The following GRIA1 variants were observed in gnomAD, a reference collection of about 807,000 sequenced individuals.
The protein encoded by GRIA1 is glutamate ionotropic receptor AMPA type subunit 1.
A neutral mutation model predicts 99.2 loss-of-function variants in GRIA1; 31 were observed. The ratio of observed to expected loss-of-function variants is 0.31; its 90% CI spans 0.23 to 0.42. GRIA1 has a LOEUF of 0.42. Among genes scored for constraint, GRIA1 ranks in the 10% least tolerant of loss-of-function variants. GRIA1 has a pLI of 1.00. For synonymous variants in GRIA1, 438 were observed against 432.4 expected, an observed-to-expected ratio of 1.01 and a Z score of -0.16; for missense variants, 782 against 1,157.5, an observed-to-expected ratio of 0.68 and a Z score of 4.71.
At chr5:153,490,588 G>C (rs1753823069), upstream of GRIA1, 1 of 466,428 alleles carries the variant, frequency 2.1e-6, no homozygotes, top group South Asian at 2.2e-5. Context: ...GGGAGAGAGA[G>C]GCAGGCTGCG....
Position 153,761,748 on chromosome 5 carries a change from C to G in GRIA1, c.1824-2686C>G, listed in dbSNP as rs994240913. Reference sequence around the variant, plus strand: ...TTATTGCAGCACTATTCACAGTAACCAAAATATGGAATCAACTTACGTGCC... The same window carrying G: ...TTATTGCAGCACTATTCACAGTAACGAAAATATGGAATCAACTTACGTGCC... On this transcript the variant is annotated intron_variant, in intron 11 of 15. Transcript: ENST00000285900. Among the ~76,000 whole-genome samples, 3 of 152,188 alleles carry G rather than the reference C, an allele frequency of 2.0e-5. No homozygotes were observed. The South Asian group carries it at 6.2e-4, about 32-fold the overall frequency.
At chr5:153,722,944 C>T (rs981197863) in intron 11 of GRIA1, among the ~76,000 whole-genome samples, 2 of 152,090 alleles carry the variant, frequency 1.3e-5, no homozygotes, top group African/African-American at 4.8e-5. Flanking sequence ...AGTTTCACAC[C>T]TAAAAGTGAT....
intron 13 of GRIA1, among the ~76,000 whole-genome samples, chr5:153,777,107 C>A (rs995780918): frequency 6.6e-6 from 1 of 152,162 alleles, no homozygotes; most frequent in African/African-American, 2.4e-5. Flanking sequence ...GTTTAAAATG[C>A]CCTTTCCTAG....
At chr5:153,703,272 G>T (rs1758661419) in intron 10 of GRIA1, among the ~76,000 whole-genome samples, 1 of 152,142 alleles carries the variant, frequency 6.6e-6, no homozygotes, top group Admixed American at 6.5e-5. Flanking sequence ...TTTTGGAAAT[G>T]CCACATTCTA....
chr5:153,747,623 C>T (rs1762246897), intron 11 of GRIA1, among the ~76,000 whole-genome samples: 1 of 152,198 alleles, frequency 6.6e-6, no homozygotes, highest in South Asian at 2.1e-4. Context: ...GTTGCTTGTT[C>T]ACATTCTTGT....
intron 5 of GRIA1, among the ~76,000 whole-genome samples, chr5:153,661,994 T>C (rs1327861816): frequency 6.6e-6 from 1 of 152,096 alleles, no homozygotes; most frequent in Admixed American, 6.6e-5. Flanking sequence ...GCTCAGACAG[T>C]TTCTGCACTC....
intron 14 of GRIA1, among the ~76,000 whole-genome samples, chr5:153,797,372 A>T (rs571284849): frequency 2.4e-4 from 36 of 152,336 alleles, no homozygotes; most frequent in African/African-American, 8.4e-4. Context: ...CCAAAGCCAC[A>T]CATCCTTAAA....
intron 2 of GRIA1, among the ~76,000 whole-genome samples, chr5:153,547,558 T>G (rs938483366): frequency 1.2e-4 from 18 of 152,170 alleles, no homozygotes; most frequent in Non-Finnish European, 1.5e-5. Context: ...AACTCAACAC[T>G]TCTCTCCCCT....
chr5:153,654,496 C>A (rs536342625), intron 4 of GRIA1, among the ~76,000 whole-genome samples: 2 of 152,078 alleles, frequency 1.3e-5, no homozygotes, highest in African/African-American at 4.8e-5. Flanking sequence ...AACCATTTGA[C>A]AAGCAGATGA....
chr5:153,754,525 T>C (rs1159051848), intron 11 of GRIA1, among the ~76,000 whole-genome samples: 1 of 152,068 alleles, frequency 6.6e-6, no homozygotes, highest in Non-Finnish European at 1.5e-5. Flanking sequence ...GAGTCTTAGG[T>C]GTGTGGAACT....
intron 13 of GRIA1, among the ~76,000 whole-genome samples, chr5:153,789,974 G>C (rs1478352118): frequency 6.6e-6 from 1 of 152,188 alleles, no homozygotes; most frequent in Non-Finnish European, 1.5e-5. Context: ...TGATAATTCT[G>C]AGTTGGAAAT....
intron 2 of GRIA1, among the ~76,000 whole-genome samples, chr5:153,640,336 T>C (rs1047419997): frequency 6.6e-6 from 1 of 152,250 alleles, no homozygotes; most frequent in African/African-American, 2.4e-5. Flanking sequence ...AAGAAAGTTC[T>C]TGTGAGTCTC....
chr5:153,606,602 TC>T (rs1463871796), intron 2 of GRIA1, among the ~76,000 whole-genome samples: 1 of 152,068 alleles, frequency 6.6e-6, no homozygotes, highest in African/African-American at 2.4e-5. Flanking sequence ...TCAGTACAGA[TC>T]TTTTGTTAGA....
chr5:153,706,716 A>G (rs147347020), intron 11 of GRIA1, among the ~76,000 whole-genome samples: 2 of 152,128 alleles, frequency 1.3e-5, no homozygotes, highest in African/African-American at 4.8e-5. Flanking sequence ...AAGAGAAAAA[A>G]CTTCTCCTTT....
intron 11 of GRIA1, among the ~76,000 whole-genome samples, chr5:153,712,779 A>G (rs1759409361): frequency 6.6e-6 from 1 of 152,242 alleles, no homozygotes; most frequent in African/African-American, 2.4e-5. Flanking sequence ...AATGTGCGAT[A>G]GCTAATCTGG....
intron 2 of GRIA1, among the ~76,000 whole-genome samples, chr5:153,546,762 T>C (rs1444214364): frequency 6.6e-6 from 1 of 152,214 alleles, no homozygotes; most frequent in Non-Finnish European, 1.5e-5. Context: ...GCAGCATTCT[T>C]TCATTAGTGG....
intron 7 of GRIA1, among the ~76,000 whole-genome samples, chr5:153,679,310 C>A (rs1460969533): frequency 6.8e-6 from 1 of 148,086 alleles, no homozygotes; most frequent in African/African-American, 2.5e-5. Flanking sequence ...ACAAATAAAC[C>A]AGAACATTCT....
At chr5:153,642,429 A>G (rs997182317) in intron 2 of GRIA1, among the ~76,000 whole-genome samples, 3 of 152,112 alleles carry the variant, frequency 2.0e-5, no homozygotes, top group Non-Finnish European at 2.9e-5. Context: ...AATTATTACT[A>G]TCAGAAAGCA....
At chr5:153,673,198 T>C (rs546796335) in intron 5 of GRIA1, among the ~76,000 whole-genome samples, 33 of 152,234 alleles carry the variant, frequency 2.2e-4, no homozygotes, top group South Asian at 4.1e-4. Context: ...AATGCTCTTC[T>C]CCAAATATCC....
Sources: allele counts gnomAD v4.1 joint callset (sites outside exome capture counted in the v4.1 genomes callset), GRCh38; gene constraint gnomAD v4.1.1; transcripts MANE v1.5; gene names NCBI Gene and HGNC (gene_info 2026-07-23, HGNC 2026-07-21).